The following MTUS2 variants were observed in gnomAD, a reference collection of about 807,000 sequenced individuals.
MTUS2 encodes the protein microtubule-associated tumor suppressor candidate 2.
Under a neutral mutation model 114.1 loss-of-function variants are expected in MTUS2, and 40 were observed. The ratio of observed to expected loss-of-function variants is 0.35; its 90% CI spans 0.27 to 0.46. The LOEUF (loss-of-function observed/expected upper bound fraction) is 0.46, where lower values mean the gene tolerates loss of function less well. MTUS2 is among the 20% of genes least tolerant of loss of function. The pLI is 1.00. For missense variants in MTUS2, 1,679 were observed against 1,705.4 expected, an observed-to-expected ratio of 0.98 and a Z score of 0.27; for synonymous variants, 688 against 672.0, an observed-to-expected ratio of 1.02 and a Z score of -0.37.
At chr13:29,224,650 T>C (rs1033618826) in intron 5 of MTUS2, among the ~76,000 whole-genome samples, 5 of 152,230 alleles carry the variant, frequency 3.3e-5, no homozygotes, top group Non-Finnish European at 7.3e-5. Context: ...TCTTCATCAG[T>C]CTGGTCCATA....
At position 29,024,697 on chromosome 13, in the gene MTUS2, C is replaced by A. The variant is rs752859205; in HGVS notation, c.-2C>A. 1 of 1,613,144 alleles carries A rather than the reference C, an allele frequency of 6.2e-7. No homozygotes were observed. Among genetic ancestry groups the A allele is most frequent in the East Asian group, 2.2e-5 (1 of 44,876 alleles). ...GCAAGCAGCCCCACCAAAGGGTTGA[C>A]AATGAGCGTCCCAGTGGCTCCTAAG... On this transcript the variant is annotated 5_prime_UTR_variant, in exon 3 of 16. Transcript: ENST00000612955.
chr13:29,371,926 G>A (rs1347698966), intron 8 of MTUS2, among the ~76,000 whole-genome samples: 1 of 144,778 alleles, frequency 6.9e-6, no homozygotes, highest in Non-Finnish European at 1.5e-5. Context: ...ATTCTGTACT[G>A]TATACATGAA....
intron 7 of MTUS2, among the ~76,000 whole-genome samples, chr13:29,329,259 C>T (rs1425019502): frequency 1.3e-5 from 2 of 152,050 alleles, no homozygotes; most frequent in Non-Finnish European, 2.9e-5. Context: ...TTAGGTATTT[C>T]TCCTAATGCT....
chr13:29,115,213 C>CTAGAT (rs1382917189), intron 5 of MTUS2, among the ~76,000 whole-genome samples: 2 of 151,958 alleles, frequency 1.3e-5, no homozygotes, highest in African/African-American at 4.8e-5. Context: ...TGCCAACAGA[C>CTAGAT]TAGGTGAATG....
At chr13:28,908,237 C>T (rs1188452999) in intron 2 of MTUS2, among the ~76,000 whole-genome samples, 1 of 151,426 alleles carries the variant, frequency 6.6e-6, no homozygotes, top group Non-Finnish European at 1.5e-5. Flanking sequence ...TTGTGCTGCA[C>T]CCAGTAACTT....
intron 8 of MTUS2, among the ~76,000 whole-genome samples, chr13:29,434,026 C>G (rs1035550678): frequency 1.3e-5 from 2 of 152,002 alleles, no homozygotes; most frequent in Non-Finnish European, 2.9e-5. Context: ...TTTCCTGATC[C>G]ACACGGATTT....
At chr13:29,460,299 T>C (rs573567313) in intron 9 of MTUS2, among the ~76,000 whole-genome samples, 1 of 152,292 alleles carries the variant, frequency 6.6e-6, no homozygotes, top group African/African-American at 2.4e-5. Context: ...AGTTTTTGTT[T>C]TGTTTTAAAC....
intron 2 of MTUS2, among the ~76,000 whole-genome samples, chr13:28,901,682 T>C (rs1879652388): frequency 6.6e-6 from 1 of 152,214 alleles, no homozygotes; most frequent in African/African-American, 2.4e-5. Context: ...TTTGTGAATC[T>C]ATCTCTGGGT....
At chr13:28,920,371 C>T (rs576130543) in intron 2 of MTUS2, among the ~76,000 whole-genome samples, 5 of 152,270 alleles carry the variant, frequency 3.3e-5, no homozygotes, top group South Asian at 2.1e-4. Flanking sequence ...CTCTGGATTC[C>T]AGGCAGAGTC....
rs980205363 is a variant in MTUS2, at chr13:29,204,236, G to A, written c.2645-77468G>A. 2.0e-5 allele frequency among the ~76,000 whole-genome samples: 3 copies of A among 152,172 alleles called. No individual in the cohort carries two copies. In the South Asian group the frequency reaches 6.2e-4, roughly 32 times the overall value. ...GTCTCCCAAAGTGTTAGGATTACAG[G>A]CATTAACCACCATGCCCGGCCATGA... On this transcript the variant is annotated intron_variant, in intron 5 of 15. Coordinates refer to ENST00000612955, the MANE Select transcript of MTUS2 (RefSeq NM_001033602.4).
At chr13:29,290,277 A>T (rs905990407) in intron 6 of MTUS2, among the ~76,000 whole-genome samples, 1 of 152,102 alleles carries the variant, frequency 6.6e-6, no homozygotes, top group African/African-American at 2.4e-5. Context: ...AACAGGCTGC[A>T]TCTTGGTTTC....
chr13:29,412,732 A>C (rs1348836789), intron 8 of MTUS2, among the ~76,000 whole-genome samples: 1 of 152,124 alleles, frequency 6.6e-6, no homozygotes, highest in Admixed American at 6.5e-5. Flanking sequence ...TCTTCAAAAA[A>C]TTTTTAAAAA....
At chr13:29,451,172 C>T (rs1043740212) in intron 9 of MTUS2, among the ~76,000 whole-genome samples, 1 of 152,082 alleles carries the variant, frequency 6.6e-6, no homozygotes, top group African/African-American at 2.4e-5. Context: ...CATTTGGCAA[C>T]ACAGACCATA....
At chr13:28,848,661 G>A (rs1428508770) in intron 2 of MTUS2, among the ~76,000 whole-genome samples, 3 of 151,882 alleles carry the variant, frequency 2.0e-5, no homozygotes, top group East Asian at 1.9e-4. Flanking sequence ...AAACATTCCC[G>A]TTATCACTTT....
chr13:29,116,336 AG>A (rs750332311), intron 5 of MTUS2, among the ~76,000 whole-genome samples: 29 of 152,216 alleles, frequency 1.9e-4, no homozygotes, highest in Non-Finnish European at 3.8e-4. Context: ...GTTCTTCCTA[AG>A]GAACTGGTGA....
chr13:29,354,734 C>G (rs762151890), intron 7 of MTUS2, among the ~76,000 whole-genome samples: 1 of 152,240 alleles, frequency 6.6e-6, no homozygotes, highest in Non-Finnish European at 1.5e-5. Flanking sequence ...GCCATCTGCT[C>G]AGCTTCTCCC....
chr13:29,360,280 T>C (rs1380920852), intron 8 of MTUS2, among the ~76,000 whole-genome samples: 1 of 152,114 alleles, frequency 6.6e-6, no homozygotes, highest in Non-Finnish European at 1.5e-5. Flanking sequence ...GTATAAATGC[T>C]CTCCAAATAA....
At chr13:29,461,438 A>G (rs1277933285) in intron 9 of MTUS2, among the ~76,000 whole-genome samples, 1 of 152,206 alleles carries the variant, frequency 6.6e-6, no homozygotes, top group Non-Finnish European at 1.5e-5. Context: ...TTAGATAACA[A>G]ATCACTCCAT....
chr13:29,243,895 G>C lies in MTUS2; in HGVS notation c.2645-37809G>C, dbSNP rs550345178. ...AGGGTTGAAAAGCACTGGGATAATT[G>C]ATAGAATGGTATTTCAGAGGAGGTG... is the stretch of plus-strand genomic sequence containing the variant. On this transcript the variant is annotated intron_variant, in intron 5 of 15. Transcript: ENST00000612955. 5.3e-5 allele frequency among the ~76,000 whole-genome samples: 8 copies of C among 152,320 alleles called. No homozygotes were observed. The East Asian group carries it at 1.5e-3, about 29-fold the overall frequency.
Sources: allele counts gnomAD v4.1 joint callset (sites outside exome capture counted in the v4.1 genomes callset), GRCh38; gene constraint gnomAD v4.1.1; transcripts MANE v1.5; gene names NCBI Gene and HGNC (gene_info 2026-07-23, HGNC 2026-07-21).